SLC25A48: variants seen among roughly 807,000 people sequenced by gnomAD.
SLC25A48 encodes the protein CTC-321K16.1.
A neutral mutation model predicts 32.2 loss-of-function variants in SLC25A48; 29 were observed. The observed-to-expected ratio is 0.90, with a 90% CI of 0.67 to 1.23. The LOEUF is 1.23. SLC25A48 is among the 50% of genes most tolerant of loss of function. The pLI is 0.00. For missense variants in SLC25A48, 399 were observed against 422.7 expected (o/e 0.94, Z 0.49); for synonymous variants, 164 against 172.3 (o/e 0.95, Z 0.38).
chr5:135,834,817 G>A lies in SLC25A48; in HGVS notation c.-31G>A, dbSNP rs775422444. ...ACTGACTCTAAGTGGGCACTGCCCC[G>A]GCTCCGGGAGGGCGAGACCGAGCGC... On this transcript the variant is annotated 5_prime_UTR_variant, in exon 1 of 8. Coordinates refer to ENST00000681962, the MANE Select transcript of SLC25A48 (RefSeq NM_001349336.2). The A allele has an allele frequency of 1.9e-6, 3 of 1,573,176 alleles. No homozygotes were observed. The highest frequency in any genetic ancestry group is 1.3e-5 in the African/African-American group (1 of 74,316).
chr5:135,815,482 C>A (rs1757693027), intron 4 of SLC25A48, among the ~76,000 whole-genome samples: 1 of 152,116 alleles, frequency 6.6e-6, no homozygotes, highest in South Asian at 2.1e-4. Context: ...GGTTGGGGAC[C>A]CCTGCTATAA....
chr5:135,730,766 A>G (rs1280155180), intron 3 of SLC25A48, among the ~76,000 whole-genome samples: 2 of 152,240 alleles, frequency 1.3e-5, no homozygotes, highest in East Asian at 3.8e-4. Flanking sequence ...TGATATGGAC[A>G]AGAAATCCAG....
intron 3 of SLC25A48, among the ~76,000 whole-genome samples, chr5:135,685,785 G>T (rs1313945057): frequency 6.6e-6 from 1 of 152,218 alleles, no homozygotes; most frequent in East Asian, 1.9e-4. Context: ...CATGACCTGT[G>T]TTCTTCCATC....
intron 4 of SLC25A48, among the ~76,000 whole-genome samples, chr5:135,817,243 A>C (rs772580274): frequency 2.6e-5 from 4 of 152,216 alleles, no homozygotes; most frequent in Non-Finnish European, 5.9e-5. Context: ...GCTGCTAAAC[A>C]TCCAACAGTG....
At chr5:135,725,964 C>A (rs1755079217) in intron 3 of SLC25A48, among the ~76,000 whole-genome samples, 1 of 152,160 alleles carries the variant, frequency 6.6e-6, no homozygotes, top group South Asian at 2.1e-4. Flanking sequence ...CCATTAATGC[C>A]AGGGGAGACA....
At chr5:135,624,325 G>T (rs577983645) in intron 1 of SLC25A48, among the ~76,000 whole-genome samples, 2 of 152,292 alleles carry the variant, frequency 1.3e-5, no homozygotes, top group Middle Eastern at 3.4e-3. Flanking sequence ...GGACCTAATG[G>T]AGAGGCAAAA....
chr5:135,736,984 G>A (rs1019661045), intron 3 of SLC25A48, among the ~76,000 whole-genome samples: 3 of 152,190 alleles, frequency 2.0e-5, no homozygotes, highest in East Asian at 1.9e-4. Context: ...TGGTTGGTCT[G>A]AGGACCCGAG....
chr5:135,876,658 A>T (rs187216236), intron 6 of SLC25A48, among the ~76,000 whole-genome samples: 7 of 152,298 alleles, frequency 4.6e-5, no homozygotes, highest in East Asian at 1.9e-4. Context: ...TTCTTGTGAT[A>T]CATTTCAAAA....
intron 1 of SLC25A48, among the ~76,000 whole-genome samples, chr5:135,624,480 T>G (rs1752398750): frequency 6.6e-6 from 1 of 152,104 alleles, no homozygotes; most frequent in South Asian, 2.1e-4. Context: ...AAATATAAAA[T>G]AAATAATAGT....
chr5:135,830,799 C>T (rs954191214), upstream of SLC25A48, among the ~76,000 whole-genome samples: 8 of 152,198 alleles, frequency 5.3e-5, no homozygotes, highest in African/African-American at 1.7e-4. Flanking sequence ...ATCCTTTGAA[C>T]TCGGTCCTGA....
chr5:135,634,735 G>GGA (rs1368529262), intron 2 of SLC25A48: 3 of 152,260 alleles, frequency 2.0e-5, no homozygotes, highest in African/African-American at 7.2e-5. Flanking sequence ...CCAAGACAGA[G>GGA]CTCCAATGGC....
chr5:135,764,834 G>A (rs893045505), intron 3 of SLC25A48, among the ~76,000 whole-genome samples: 17 of 150,388 alleles, frequency 1.1e-4, no homozygotes, highest in Non-Finnish European at 1.5e-4. Flanking sequence ...GAGATGGTTC[G>A]CAATATCCAG....
rs1760808849 is a variant in SLC25A48 at position 135,861,670 on chromosome 5, TGG to T, written c.421+8850_421+8851del. On this transcript the variant is annotated intron_variant, in intron 4 of 7. Transcript: ENST00000681962. ...ACAGTTTTTCCTCTTTTAAAAATAG[TGG>T]TATGATCAGCGAATATATTCATAAA... Among the ~76,000 whole-genome samples the T allele has an allele frequency of 5.3e-5, 8 of 152,334 alleles. No individual in the cohort carries two copies. The South Asian group carries it at 1.7e-3, about 32-fold the overall frequency.
upstream of SLC25A48, among the ~76,000 whole-genome samples, chr5:135,833,171 G>A (rs894176110): frequency 6.6e-6 from 1 of 152,234 alleles, no homozygotes; most frequent in African/African-American, 2.4e-5. Flanking sequence ...GCATGCATAT[G>A]GGAATGGAGC....
rs535865745 is a variant in SLC25A48, at chr5:135,683,338, A to G, written c.-521+48382A>G. Among the ~76,000 whole-genome samples, 418 of 152,302 alleles carry G rather than the reference A, an allele frequency of 2.7e-3. 2 individuals are homozygous for G. Among genetic ancestry groups the G allele is most frequent in the Non-Finnish European group, 3.6e-3 (246 of 68,024 alleles). On this transcript the variant is annotated intron_variant, in intron 3 of 10. Transcript: ENST00000646290. ...TGGCAGGGACCAAAATTGTTGCATC[A>G]CATGTTTATTGGGCCCCCAGGATCT... is the stretch of plus-strand genomic sequence containing the variant.
chr5:135,692,085 A>G (rs974319007), intron 3 of SLC25A48, among the ~76,000 whole-genome samples: 3 of 152,196 alleles, frequency 2.0e-5, no homozygotes, highest in Non-Finnish European at 4.4e-5. Context: ...TGGGAGGCCG[A>G]GGCAGGCGGA....
intron 3 of SLC25A48, among the ~76,000 whole-genome samples, chr5:135,657,724 G>A (rs1212088817): frequency 6.6e-6 from 1 of 152,222 alleles, no homozygotes; most frequent in Non-Finnish European, 1.5e-5. Context: ...AGTGTCAGCA[G>A]CACTTGCCAG....
chr5:135,709,483 C>A (rs1754601485), intron 3 of SLC25A48, among the ~76,000 whole-genome samples: 1 of 152,212 alleles, frequency 6.6e-6, no homozygotes, highest in Admixed American at 6.5e-5. Context: ...ATTCTTACAC[C>A]CCACCCCAAA....
chr5:135,789,330 C>A (rs72791339), intron 3 of SLC25A48, among the ~76,000 whole-genome samples: 2 of 151,232 alleles, frequency 1.3e-5, no homozygotes, highest in Middle Eastern at 3.2e-3. Context: ...GTATTACTCC[C>A]CATGTGGCGG....
Sources: gnomAD v4.1 joint callset for allele counts (sites outside exome capture counted in the v4.1 genomes callset) on GRCh38, gnomAD v4.1.1 for gene constraint, MANE v1.5 for transcripts, NCBI Gene and HGNC (gene_info 2026-07-23, HGNC 2026-07-21) for gene names.